NCALD: variants seen among roughly 807,000 people sequenced by gnomAD.
NCALD encodes the protein neurocalcin-delta.
Under a neutral mutation model 18.6 loss-of-function variants are expected in NCALD, and 10 were observed. The observed-to-expected ratio is 0.54, with a 90% CI of 0.33 to 0.91. The LOEUF (loss-of-function observed/expected upper bound fraction) is 0.91. NCALD is among the 40% of genes least tolerant of loss of function. The pLI is 0.03. For synonymous variants in NCALD, 88 were observed against 87.4 expected (o/e 1.01, Z -0.04); for missense variants, 184 against 247.6 (o/e 0.74, Z 1.72).
chr8:101,872,204 T>A, intron 4 of NCALD: 1 of 1,558,400 alleles, frequency 6.4e-7, no homozygotes, highest in Admixed American at 1.7e-5. Context: ...AGGTGCAAGA[T>A]GACCCACAAG....
chr8:101,720,904 C>T (rs984588932), intron 1 of NCALD, among the ~76,000 whole-genome samples: 1 of 152,108 alleles, frequency 6.6e-6, no homozygotes, highest in Admixed American at 6.6e-5. Flanking sequence ...CCTAAGGGCA[C>T]CTAGCTGTGT....
Position 102,051,126 on chromosome 8 carries a change from C to G in NCALD, c.-209-30837G>C, listed in dbSNP as rs189574044. Among the ~76,000 whole-genome samples the G allele has an allele frequency of 5.1e-3, 781 of 152,168 alleles. 5 individuals are homozygous for G. The highest frequency in any genetic ancestry group is 7.8e-3 in the Non-Finnish European group (531 of 68,006). On this transcript the variant is annotated intron_variant, in intron 1 of 6. Transcript: ENST00000311028. The stretch of plus-strand genomic sequence containing the variant: ...CTCTCTCTGCCCTGTCTCTCAACCC[C>G]CAATAGTGTCCTTTTTTCCCAGTCT...
intron 1 of NCALD, among the ~76,000 whole-genome samples, chr8:101,778,654 C>T (rs1811890494): frequency 6.6e-6 from 1 of 151,672 alleles, no homozygotes; most frequent in Non-Finnish European, 1.5e-5. Context: ...TCTGAATGCA[C>T]ATAAAAGGGA....
At chr8:102,121,338 C>T (rs372682250) in intron 1 of NCALD, among the ~76,000 whole-genome samples, 25 of 152,152 alleles carry the variant, frequency 1.6e-4, no homozygotes, top group Admixed American at 4.6e-4. Context: ...CTCAGGGAAG[C>T]AGCAGCTCTT....
chr8:101,726,704 A>C (rs1816588402), intron 1 of NCALD, among the ~76,000 whole-genome samples: 1 of 152,116 alleles, frequency 6.6e-6, no homozygotes, highest in African/African-American at 2.4e-5. Flanking sequence ...TGAATATATA[A>C]GTCTATAGGT....
chr8:102,030,577 G>A (rs1015439055), intron 1 of NCALD, among the ~76,000 whole-genome samples: 1 of 152,142 alleles, frequency 6.6e-6, no homozygotes, highest in African/African-American at 2.4e-5. Context: ...CTACATCACT[G>A]GGTAACCAAA....
intron 1 of NCALD, among the ~76,000 whole-genome samples, chr8:102,118,007 A>G (rs1825840979): frequency 6.6e-6 from 1 of 152,178 alleles, no homozygotes; most frequent in Admixed American, 6.5e-5. Flanking sequence ...CAACCTCTCA[A>G]TGCCTCGGTT....
intron 1 of NCALD, among the ~76,000 whole-genome samples, chr8:102,042,985 C>A (rs1249868817): frequency 1.3e-5 from 2 of 151,846 alleles, no homozygotes; most frequent in East Asian, 3.9e-4. Context: ...CAGATGCAGT[C>A]CAGTCTTGTA....
chr8:102,074,731 G>A (rs1433516294), intron 1 of NCALD, among the ~76,000 whole-genome samples: 3 of 151,088 alleles, frequency 2.0e-5, no homozygotes, highest in Non-Finnish European at 4.5e-5. Flanking sequence ...TATTACTGAT[G>A]TGTATACAGG....
intron 2 of NCALD, among the ~76,000 whole-genome samples, chr8:102,004,095 G>C (rs1380628392): frequency 5.9e-5 from 9 of 151,396 alleles, no homozygotes; most frequent in African/African-American, 1.9e-4. Context: ...AATTGTCCCT[G>C]TTTGCAGACG....
chr8:101,925,430 G>A (rs914565985), intron 2 of NCALD, among the ~76,000 whole-genome samples: 1 of 151,936 alleles, frequency 6.6e-6, no homozygotes, highest in Admixed American at 6.6e-5. Context: ...GTAATAAAAC[G>A]GGATCAGTTG....
intron 1 of NCALD, among the ~76,000 whole-genome samples, chr8:102,021,079 A>G (rs1822256833): frequency 6.6e-6 from 1 of 151,962 alleles, no homozygotes; most frequent in Admixed American, 6.6e-5. Context: ...AGAACACTGC[A>G]TTTTTTCTTT....
At chr8:101,913,373 T>A (rs1817867745) in intron 3 of NCALD, among the ~76,000 whole-genome samples, 1 of 152,266 alleles carries the variant, frequency 6.6e-6, no homozygotes, top group South Asian at 2.1e-4. Flanking sequence ...TTTATACATG[T>A]GTATACCTTT....
At chr8:101,719,095 T>C (rs1011761459) in intron 2 of NCALD, among the ~76,000 whole-genome samples, 157 bp downstream of exon 2, 1 of 152,208 alleles carries the variant, frequency 6.6e-6, no homozygotes, top group Non-Finnish European at 1.5e-5. Flanking sequence ...CCCCACACTG[T>C]AATGCAGTTT....
At chr8:101,745,546 T>A (rs1159964267) in intron 1 of NCALD, among the ~76,000 whole-genome samples, 1 of 152,188 alleles carries the variant, frequency 6.6e-6, no homozygotes, top group African/African-American at 2.4e-5. Context: ...TAGACAGGAC[T>A]TGGTTAAGAC....
At chr8:102,058,341 T>A (rs1823725448) in intron 1 of NCALD, among the ~76,000 whole-genome samples, 1 of 152,206 alleles carries the variant, frequency 6.6e-6, no homozygotes, top group African/African-American at 2.4e-5. Context: ...CACAGTGGCT[T>A]ACCCAATAAA....
chr8:101,704,346 C>A lies in NCALD; in HGVS notation c.379-11450G>T, dbSNP rs537032624. Among the ~76,000 whole-genome samples, 5 of 152,156 alleles carry A rather than the reference C, an allele frequency of 3.3e-5. No individual in the cohort carries two copies. In the South Asian group the frequency reaches 8.3e-4, roughly 25 times the overall value. On this transcript the variant is annotated intron_variant, in intron 2 of 3. Coordinates refer to ENST00000220931, the MANE Select transcript of NCALD (RefSeq NM_032041.3). ...AAGAAAGCATTATTATGATGGAGAT[C>A]AACAACAGAGTTAAATGCATAGGAC...
At position 101,895,423 on chromosome 8, in the gene NCALD, A is replaced by C. The variant is rs926889661; in HGVS notation, c.-106-8196T>G. Among the ~76,000 whole-genome samples the C allele has an allele frequency of 1.4e-3, 208 of 151,062 alleles. 4 individuals are homozygous for C. Among genetic ancestry groups the C allele is most frequent in the South Asian group, 3.1e-3 (15 of 4,788 alleles). ...GCCAATATCATACTGAATGGGCAAA[A>C]ACTGGAAGCATTCCCTTTGAAAACT... On this transcript the variant is annotated intron_variant, in intron 3 of 6. Transcript: ENST00000311028.
intron 1 of NCALD, among the ~76,000 whole-genome samples, chr8:102,061,719 G>A (rs1823856087): frequency 6.6e-6 from 1 of 152,326 alleles, no homozygotes; most frequent in East Asian, 1.9e-4. Context: ...TCCCAGGACT[G>A]TGTTTTCATT....
Sources: allele counts gnomAD v4.1 joint callset (sites outside exome capture counted in the v4.1 genomes callset), GRCh38; gene constraint gnomAD v4.1.1; transcripts MANE v1.5; gene names NCBI Gene and HGNC (gene_info 2026-07-23, HGNC 2026-07-21).